Variants in MGAT4C observed in about 807,000 individuals in gnomAD.
MGAT4C encodes MGAT4 family member C, also known as alpha-1,3-mannosyl-glycoprotein 4-beta-N-acetylglucosaminyltransferase C.
MGAT4C carries 19 observed loss-of-function variants against 40.1 expected under a neutral mutation model. That is an observed-to-expected ratio of 0.47 (90% confidence interval 0.33 to 0.70). The LOEUF (loss-of-function observed/expected upper bound fraction) is 0.70. Ranked by LOEUF, MGAT4C falls within the 30% of genes least tolerant of loss-of-function variation. The pLI is 0.02. For synonymous variants in MGAT4C, 181 were observed against 187.1 expected (o/e 0.97, Z 0.27); for missense variants, 491 against 563.2 (o/e 0.87, Z 1.30).
intron 2 of MGAT4C, among the ~76,000 whole-genome samples, chr12:86,039,352 A>C (rs537861985): frequency 5.6e-4 from 85 of 152,288 alleles, no homozygotes; most frequent in African/African-American, 2.0e-3. Context: ...ACTTTCAGGT[A>C]CACCTATCAA....
intron 1 of MGAT4C, among the ~76,000 whole-genome samples, chr12:86,815,438 G>A (rs565244883): frequency 4.0e-5 from 6 of 151,526 alleles, no homozygotes; most frequent in South Asian, 2.1e-4. Flanking sequence ...ACAGTGTGGC[G>A]ATTCCTTAAA....
intron 2 of MGAT4C, among the ~76,000 whole-genome samples, chr12:86,024,964 C>T (rs1469764124): frequency 6.6e-6 from 1 of 151,238 alleles, no homozygotes; most frequent in Non-Finnish European, 1.5e-5. Flanking sequence ...GTTATATTAA[C>T]AACTATATGA....
intron 1 of MGAT4C, among the ~76,000 whole-genome samples, chr12:86,740,051 A>G (rs1239475377): frequency 1.3e-5 from 2 of 151,018 alleles, no homozygotes; most frequent in East Asian, 3.9e-4. Context: ...CTGATTCACA[A>G]TCATTATTTT....
rs568627682 is a variant in MGAT4C at position 85,966,054 on chromosome 12, G to A, written c.*13235C>T. 354 of 152,164 alleles carry A rather than the reference G, an allele frequency of 2.3e-3. 2 individuals carry two copies. Among genetic ancestry groups the A allele is most frequent in the African/African-American group, 8.1e-3 (338 of 41,524 alleles). The allele number at this position is 152,164 out of a possible 1,614,324, so 9.4% of individuals were successfully genotyped here. On this transcript the variant is annotated 3_prime_UTR_variant, in exon 5 of 5. Transcript: ENST00000611864. ...GTGTCAGGCATTATTTTCCTATTAT[G>A]AGACATTTTATATTATGGTTATTTA... is the stretch of plus-strand genomic sequence containing the variant.
chr12:86,766,936 C>T (rs1437099908), intron 1 of MGAT4C, among the ~76,000 whole-genome samples: 2 of 151,912 alleles, frequency 1.3e-5, no homozygotes, highest in Non-Finnish European at 2.9e-5. Flanking sequence ...AAAATTGACA[C>T]CCTAACATCA....
intron 1 of MGAT4C, among the ~76,000 whole-genome samples, chr12:86,058,846 A>G (rs1017001415): frequency 4.6e-5 from 7 of 152,048 alleles, no homozygotes; most frequent in African/African-American, 1.4e-4. Flanking sequence ...TTTTTTCAAG[A>G]CATTTGAAAT....
At chr12:86,718,060 G>A (rs972747885) in intron 2 of MGAT4C, among the ~76,000 whole-genome samples, 50 of 152,228 alleles carry the variant, frequency 3.3e-4, no homozygotes, top group African/African-American at 1.1e-3. Context: ...GGGATGGGAA[G>A]GTTGTATTCT....
intron 2 of MGAT4C, among the ~76,000 whole-genome samples, chr12:86,440,026 A>G (rs1957200527): frequency 6.6e-6 from 1 of 152,010 alleles, no homozygotes; most frequent in African/African-American, 2.4e-5. Context: ...ATGGCTTCAC[A>G]GCCAATTTCC....
intron 2 of MGAT4C, among the ~76,000 whole-genome samples, chr12:86,506,126 G>C (rs1011888502): frequency 6.6e-6 from 1 of 152,140 alleles, no homozygotes; most frequent in Non-Finnish European, 1.5e-5. Context: ...AGAAAGAGAT[G>C]AGAAAACTGT....
chr12:86,618,949 ATAT>A (rs1164662706), intron 2 of MGAT4C, among the ~76,000 whole-genome samples: 1 of 152,080 alleles, frequency 6.6e-6, no homozygotes, highest in East Asian at 1.9e-4. Context: ...ATATGTACAA[ATAT>A]TATATAACAA....
chr12:86,838,753 GGA>G, exon 1 of MGAT4C: 1 of 152,302 alleles, frequency 6.6e-6, no homozygotes, highest in African/African-American at 2.4e-5. Context: ...ATGACTTGAT[GGA>G]GAGTTTCATT....
At chr12:86,434,443 T>C (rs1957101053) in intron 3 of MGAT4C, among the ~76,000 whole-genome samples, 3 of 152,048 alleles carry the variant, frequency 2.0e-5, no homozygotes, top group African/African-American at 7.2e-5. Flanking sequence ...CATGTGTATA[T>C]GTATACACAT....
rs374461023 is a variant in MGAT4C at position 86,137,508 on chromosome 12, T to C, written c.-56-87785A>G. Among the ~76,000 whole-genome samples, 10 of 152,328 alleles carry C rather than the reference T, an allele frequency of 6.6e-5. No homozygotes were observed. The East Asian group carries it at 1.7e-3, about 26-fold the overall frequency. On this transcript the variant is annotated intron_variant, in intron 1 of 4. Transcript: ENST00000611864. Reference sequence around the variant, plus strand: ...TAAAGTCCAAGCTCCTTATAAAACATTACTTCTTATATAATCAGTCCTAAG... The same window carrying C: ...TAAAGTCCAAGCTCCTTATAAAACACTACTTCTTATATAATCAGTCCTAAG...
intron 3 of MGAT4C, among the ~76,000 whole-genome samples, chr12:85,985,464 T>A (rs1885103372): frequency 6.6e-6 from 1 of 152,202 alleles, no homozygotes; most frequent in African/African-American, 2.4e-5. Context: ...CCAAGTATGT[T>A]TATAAATCCA....
chr12:86,395,270 C>G (rs1956239398), intron 3 of MGAT4C, among the ~76,000 whole-genome samples: 1 of 152,086 alleles, frequency 6.6e-6, no homozygotes, highest in South Asian at 2.1e-4. Flanking sequence ...TGGAAGAGAT[C>G]ATCCTTTGCA....
At chr12:86,158,881 C>A (rs73380873) in intron 1 of MGAT4C, among the ~76,000 whole-genome samples, 1 of 152,078 alleles carries the variant, frequency 6.6e-6, no homozygotes, top group South Asian at 2.1e-4. Flanking sequence ...TTTTGTACCC[C>A]TATTTTGTAT....
chr12:86,061,129 G>A (rs376214096), intron 1 of MGAT4C, among the ~76,000 whole-genome samples: 3 of 152,106 alleles, frequency 2.0e-5, no homozygotes, highest in Non-Finnish European at 2.9e-5. Flanking sequence ...CTCAGGAGGC[G>A]GGTTATTTCT....
At chr12:86,026,167 A>C (rs957446937) in intron 2 of MGAT4C, among the ~76,000 whole-genome samples, 2 of 151,844 alleles carry the variant, frequency 1.3e-5, no homozygotes, top group Non-Finnish European at 2.9e-5. Context: ...AATAAGAACA[A>C]TTTTACTTTT....
intron 2 of MGAT4C, among the ~76,000 whole-genome samples, chr12:86,487,510 C>T (rs1468587550): frequency 1.3e-5 from 2 of 152,168 alleles, no homozygotes; most frequent in South Asian, 2.1e-4. Flanking sequence ...CAAGTATTTC[C>T]GAATTTTGAT....
Sources: gnomAD v4.1 joint callset for allele counts (sites outside exome capture counted in the v4.1 genomes callset) on GRCh38, gnomAD v4.1.1 for gene constraint, MANE v1.5 for transcripts, NCBI Gene and HGNC (gene_info 2026-07-23, HGNC 2026-07-21) for gene names.